The following ZNF765 variants were observed in gnomAD, a reference collection of about 807,000 sequenced individuals.
The protein encoded by ZNF765 is zinc finger protein 765.
Under a neutral mutation model 44.7 loss-of-function variants are expected in ZNF765, and 37 were observed. The observed-to-expected ratio is 0.83, with a 90% CI of 0.64 to 1.09. The LOEUF is 1.09. Ranked by LOEUF, ZNF765 falls within the 50% of genes least tolerant of loss-of-function variation. The pLI is 0.00. For synonymous variants in ZNF765, 201 were observed against 213.7 expected (o/e 0.94, Z 0.52); for missense variants, 594 against 626.1 (o/e 0.95, Z 0.55).
At chr19:53,420,272 C>G (rs777178533) in intron 3 of ZNF765, among the ~76,000 whole-genome samples, 101 of 148,686 alleles carry the variant, frequency 6.8e-4, no homozygotes, top group Non-Finnish European at 1.4e-3. Flanking sequence ...TCAGAAGTTG[C>G]GGTGAGCCAA....
chr19:53,414,869 G>T (rs1291742783), downstream of ZNF765, among the ~76,000 whole-genome samples: 1 of 152,022 alleles, frequency 6.6e-6, no homozygotes, highest in South Asian at 2.1e-4. Context: ...ACTCAGCTCT[G>T]TCAATGTGTA....
At position 53,410,807 on chromosome 19, in the gene ZNF765, A is replaced by C; in HGVS notation, c.*1680A>C. 1 of 464,046 alleles carries C rather than the reference A, an allele frequency of 2.2e-6. No homozygotes were observed. The highest frequency in any genetic ancestry group is 4.4e-6 in the Non-Finnish European group (1 of 225,820). 28.7% of individuals were successfully genotyped at this position (464,046 alleles called of 1,614,324 possible). ...TCAGTCAAGCTTCATTCTATGCAAA[A>C]CATAGGAGAATTCATACAGGAGAGA... On this transcript the variant is annotated 3_prime_UTR_variant, in exon 4 of 4. Coordinates refer to ENST00000396408, the MANE Select transcript of ZNF765 (RefSeq NM_001040185.3).
intron 2 of ZNF765, among the ~76,000 whole-genome samples, chr19:53,400,690 C>A (rs1314789321): frequency 6.7e-6 from 1 of 149,878 alleles, no homozygotes; most frequent in African/African-American, 2.5e-5. Context: ...TTTTGAAAAT[C>A]TGGGGAAAAT....
In ZNF765 at chr19:53,402,104, C is replaced by T. The variant is rs2085732036; in HGVS notation, c.55C>T (p.Gln19Ter). Residue 19 changes from glutamine to a stop codon, truncating the protein, a stop_gained, in exon 3 of 4, where the codon CAG becomes TAG. Coordinates refer to ENST00000396408, the MANE Select transcript of ZNF765 (RefSeq NM_001040185.3). LOFTEE classifies it high-confidence loss of function. ...TFRDVAIEFSQEEWKCLDPAQ... is the reference protein window; with the variant it reads ...TFRDVAIEFS ...CAGGGATGTGGCCATAGAATTCTCTCAGGAGGAGTGGAAATGCCTGGACCC... is the reference window on the plus strand; with the variant it reads ...CAGGGATGTGGCCATAGAATTCTCTTAGGAGGAGTGGAAATGCCTGGACCC... 4 of 1,614,012 alleles carry T rather than the reference C, an allele frequency of 2.5e-6. No individual in the cohort carries two copies. The highest frequency in any genetic ancestry group is 3.4e-6 in the Non-Finnish European group (4 of 1,179,958).
intron 3 of ZNF765, among the ~76,000 whole-genome samples, chr19:53,403,943 G>A (rs1288018624): frequency 1.3e-5 from 2 of 151,564 alleles, no homozygotes; most frequent in African/African-American, 2.4e-5. Context: ...TCTGTATGTT[G>A]CATTCGCATT....
chr19:53,418,289 T>G (rs2085886775), intron 3 of ZNF765, among the ~76,000 whole-genome samples: 1 of 152,030 alleles, frequency 6.6e-6, no homozygotes, highest in Non-Finnish European at 1.5e-5. Context: ...TAGTCCCAGC[T>G]ATTCGGGCCA....
At chr19:53,418,602 GA>G (rs2085888679) in intron 3 of ZNF765, among the ~76,000 whole-genome samples, 1 of 151,950 alleles carries the variant, frequency 6.6e-6, no homozygotes, top group South Asian at 2.1e-4. Context: ...AGGTATATAA[GA>G]AGTCCAGATA....
At chr19:53,402,246 TC>T in intron 3 of ZNF765, 55 bp downstream of exon 3, 1 of 1,420,790 alleles carries the variant, frequency 7.0e-7, no homozygotes. Context: ...GTATTTTCTC[TC>T]CTTTTTTTTT....
chr19:53,399,406 G>A (rs561056712), intron 2 of ZNF765, among the ~76,000 whole-genome samples: 6 of 151,738 alleles, frequency 4.0e-5, no homozygotes, highest in African/African-American at 1.5e-4. Flanking sequence ...ACTCACTGGG[G>A]AGTCACCACT....
At chr19:53,403,138 C>A (rs774319580) in intron 3 of ZNF765, among the ~76,000 whole-genome samples, 1 of 150,004 alleles carries the variant, frequency 6.7e-6, no homozygotes, top group Non-Finnish European at 1.5e-5. Flanking sequence ...TCCAGACTGG[C>A]GACAGAGCGG....
At chr19:53,420,610 T>C (rs751298497) in intron 3 of ZNF765, among the ~76,000 whole-genome samples, 2 of 152,200 alleles carry the variant, frequency 1.3e-5, no homozygotes, top group Non-Finnish European at 2.9e-5. Flanking sequence ...CATTTTGTTC[T>C]GTACTAAGAA....
At position 53,409,415 on chromosome 19, in the gene ZNF765, A is replaced by G; in HGVS notation, c.*288A>G. The G allele has an allele frequency of 1.2e-6, 1 of 848,194 alleles. No individual in the cohort carries two copies. Among genetic ancestry groups the G allele is most frequent in the Non-Finnish European group, 2.1e-6 (1 of 487,576 alleles). 52.5% of individuals were successfully genotyped at this position (848,194 alleles called of 1,614,324 possible). On this transcript the variant is annotated 3_prime_UTR_variant, in exon 4 of 4. Coordinates refer to ENST00000396408, the MANE Select transcript of ZNF765 (RefSeq NM_001040185.3). ...GCTTTCTGTTTCAAATCCAACCTTG[A>G]AAGACATAGGAGAATTCACACTGGT...
At chr19:53,399,307 T>C (rs2085699943) in intron 2 of ZNF765, among the ~76,000 whole-genome samples, 1 of 148,398 alleles carries the variant, frequency 6.7e-6, no homozygotes, top group Admixed American at 6.8e-5. Flanking sequence ...TATATTTGTT[T>C]TGTGGTAAAA....
downstream of ZNF765, among the ~76,000 whole-genome samples, chr19:53,414,356 C>G (rs1312123622): frequency 6.6e-6 from 1 of 150,388 alleles, no homozygotes; most frequent in African/African-American, 2.5e-5. Context: ...AGTTTCTACT[C>G]TGTCTTCGGG....
chr19:53,420,702 C>T (rs1028690731), intron 3 of ZNF765, among the ~76,000 whole-genome samples: 4 of 152,088 alleles, frequency 2.6e-5, no homozygotes, highest in Non-Finnish European at 5.9e-5. Flanking sequence ...TGTGTTGACT[C>T]AAGGTTTAAT....
At chr19:53,401,875 TTAA>T in intron 2 of ZNF765, 187 bp from the exon 3 acceptor site, 14 of 1,264,990 alleles carry the variant, frequency 1.1e-5, no homozygotes, top group Non-Finnish European at 1.4e-5. Flanking sequence ...GACTCCACCT[TTAA>T]AAAAAAAAAA....
chr19:53,419,448 G>A (rs2085894456), intron 3 of ZNF765, among the ~76,000 whole-genome samples: 1 of 152,146 alleles, frequency 6.6e-6, no homozygotes, highest in African/African-American at 2.4e-5. Context: ...TGTTGATTAT[G>A]GTGAGACTCT....
rs748249996 is a variant in ZNF765, at chr19:53,409,122, G to A, written c.1567G>A (p.Val523Met). The change falls in exon 4 of 4, where the codon GTG becomes ATG. Residue 523 changes from valine (V) to methionine (M), a missense_variant. By Grantham distance (21) the Val-to-Met change is conservative (BLOSUM62 1). Coordinates refer to ENST00000396408, the MANE Select transcript of ZNF765 (RefSeq NM_001040185.3). ...RRIYTGEKLH[V>M] ...AATTTATACTGGAGAGAAACTACAC[G>A]TGTAATGAGTGTGGTAAGACCTTCA... The A allele has an allele frequency of 5.0e-6, 8 of 1,610,784 alleles. No individual in the cohort carries two copies. Among genetic ancestry groups the A allele is most frequent in the East Asian group, 2.2e-5 (1 of 44,760 alleles).
intron 3 of ZNF765, among the ~76,000 whole-genome samples, chr19:53,418,528 C>A (rs2085888130): frequency 6.6e-6 from 1 of 152,022 alleles, no homozygotes; most frequent in South Asian, 2.1e-4. Context: ...ACCATCCAGA[C>A]AGAAGGATGG....
Sources: allele counts gnomAD v4.1 joint callset (sites outside exome capture counted in the v4.1 genomes callset), GRCh38; gene constraint gnomAD v4.1.1; transcripts MANE v1.5; gene names NCBI Gene and HGNC (gene_info 2026-07-23, HGNC 2026-07-21).